Variants in RALYL observed in about 807,000 individuals in gnomAD.
RALYL encodes the protein RALY RNA binding protein like, also known as RNA-binding Raly-like protein.
Under a neutral mutation model 35.1 loss-of-function variants are expected in RALYL, and 29 were observed. The observed-to-expected ratio is 0.83, with a 90% CI of 0.61 to 1.13. The LOEUF is 1.13. Among genes scored for constraint, RALYL ranks in the 50% most tolerant of loss-of-function variants. The probability of loss-of-function intolerance (pLI) is 0.00; values close to 1 mark genes in which losing one functional copy is unlikely to be tolerated. For missense variants in RALYL, 359 were observed against 360.4 expected, an observed-to-expected ratio of 1.00 and a Z score of 0.03; for synonymous variants, 120 against 127.6, an observed-to-expected ratio of 0.94 and a Z score of 0.40.
chr8:84,847,932 C>A (rs1835002864), intron 4 of RALYL, among the ~76,000 whole-genome samples: 1 of 152,164 alleles, frequency 6.6e-6, no homozygotes, highest in Non-Finnish European at 1.5e-5. Flanking sequence ...GGATTTTTCA[C>A]CCTCTATGTA....
At chr8:84,621,515 G>A (rs1383880688) in intron 2 of RALYL, among the ~76,000 whole-genome samples, 1 of 152,170 alleles carries the variant, frequency 6.6e-6, no homozygotes, top group Non-Finnish European at 1.5e-5. Flanking sequence ...CTAGTGAGAT[G>A]AACCCGGTAC....
At chr8:84,766,262 A>G (rs779783492) in intron 2 of RALYL, among the ~76,000 whole-genome samples, 1 of 152,200 alleles carries the variant, frequency 6.6e-6, no homozygotes, top group Non-Finnish European at 1.5e-5. Context: ...ATTCATGTAT[A>G]TGTAAGAACA....
At chr8:84,477,739 A>C (rs2053589776) in intron 1 of RALYL, among the ~76,000 whole-genome samples, 2 of 151,578 alleles carry the variant, frequency 1.3e-5, no homozygotes, top group South Asian at 4.1e-4. Flanking sequence ...AGTAATTTTT[A>C]CCATTTTATC....
chr8:84,751,837 C>T (rs1810114654), intron 2 of RALYL, among the ~76,000 whole-genome samples: 1 of 152,030 alleles, frequency 6.6e-6, no homozygotes, highest in Non-Finnish European at 1.5e-5. Flanking sequence ...GCCTGTGGAA[C>T]CATGAGCCAA....
chr8:84,247,777 A>C (rs922059107), intron 1 of RALYL, among the ~76,000 whole-genome samples: 1 of 152,172 alleles, frequency 6.6e-6, no homozygotes, highest in Non-Finnish European at 1.5e-5. Context: ...ATCTGCTCAC[A>C]GTTCTGCTAC....
chr8:84,267,694 C>A (rs750660662), intron 1 of RALYL, among the ~76,000 whole-genome samples: 2 of 152,028 alleles, frequency 1.3e-5, no homozygotes, highest in Non-Finnish European at 2.9e-5. Flanking sequence ...AGAACTACAG[C>A]CAAAAAAACA....
intron 1 of RALYL, among the ~76,000 whole-genome samples, chr8:84,429,857 T>A (rs1046411114): frequency 6.6e-6 from 1 of 152,080 alleles, no homozygotes; most frequent in Non-Finnish European, 1.5e-5. Flanking sequence ...CAACAATACC[T>A]ATCCACTATC....
At chr8:84,243,758 T>C (rs1398866642) in intron 1 of RALYL, among the ~76,000 whole-genome samples, 5 of 152,134 alleles carry the variant, frequency 3.3e-5, no homozygotes, top group Non-Finnish European at 7.3e-5. Flanking sequence ...ATTTTCTTTT[T>C]CAAGAGAATA....
chr8:84,866,918 T>G (rs1348089809), intron 6 of RALYL, among the ~76,000 whole-genome samples: 1 of 152,128 alleles, frequency 6.6e-6, no homozygotes, highest in Non-Finnish European at 1.5e-5. Flanking sequence ...CTGCTCAAAA[T>G]GATATTTTAG....
chr8:84,551,710 T>C (rs2060730867), intron 2 of RALYL, among the ~76,000 whole-genome samples: 1 of 152,046 alleles, frequency 6.6e-6, no homozygotes, highest in Non-Finnish European at 1.5e-5. Context: ...AGAAAGATAG[T>C]GGGAATACAC....
chr8:84,698,460 G>T lies in RALYL; in HGVS notation c.257-76119G>T, dbSNP rs1839567462. On this transcript the variant is annotated intron_variant, in intron 2 of 8. Coordinates refer to ENST00000521268, the MANE Select transcript of RALYL (RefSeq NM_173848.7). ...ACATATATTCTTTGAAGCAGAATAT[G>T]CAAGATATCATACAGTGGAGTGCAG... Among the ~76,000 whole-genome samples, 4 of 151,994 alleles carry T rather than the reference G, an allele frequency of 2.6e-5. No individual in the cohort carries two copies. The South Asian group carries it at 8.3e-4, about 31-fold the overall frequency.
chr8:84,490,715 T>A (rs1020683787), intron 1 of RALYL, among the ~76,000 whole-genome samples: 7 of 150,302 alleles, frequency 4.7e-5, no homozygotes, highest in Non-Finnish European at 1.0e-4. Context: ...ATATATATAT[T>A]TTTATTATTA....
At chr8:84,690,618 A>G (rs372664874) in intron 2 of RALYL, among the ~76,000 whole-genome samples, 10 of 152,244 alleles carry the variant, frequency 6.6e-5, no homozygotes, top group South Asian at 6.2e-4. Context: ...AATATATACA[A>G]TTTTTATCTG....
chr8:84,913,040 G>GTAGATAGA (rs1554650721), intron 8 of RALYL, among the ~76,000 whole-genome samples: 2,633 of 129,798 alleles, frequency 0.02, 33 homozygotes, highest in African/African-American at 0.032. Flanking sequence ...GGATAGGTAG[G>GTAGATAGA]TAGATAGATA....
intron 3 of RALYL, among the ~76,000 whole-genome samples, chr8:84,787,577 G>C (rs1459234083): frequency 1.3e-5 from 2 of 152,188 alleles, no homozygotes; most frequent in Non-Finnish European, 2.9e-5. Flanking sequence ...TCTGGTTCTA[G>C]ATCCTTGAGG....
intron 1 of RALYL, among the ~76,000 whole-genome samples, chr8:84,305,856 C>A (rs1484028114): frequency 1.3e-5 from 2 of 152,092 alleles, no homozygotes; most frequent in African/African-American, 4.8e-5. Flanking sequence ...TGAAGGAAGG[C>A]ACTGTGATTT....
At chr8:84,682,083 A>G (rs1280827114) in intron 2 of RALYL, among the ~76,000 whole-genome samples, 1 of 152,156 alleles carries the variant, frequency 6.6e-6, no homozygotes, top group African/African-American at 2.4e-5. Flanking sequence ...CCTTTTCTGC[A>G]TCTATTGAGA....
At chr8:84,588,968 C>A in intron 2 of RALYL, among the ~76,000 whole-genome samples, 1 of 151,920 alleles carries the variant, frequency 6.6e-6, no homozygotes, top group East Asian at 1.9e-4. Flanking sequence ...CATGATCTGG[C>A]CTCACTGCAA....
At position 84,614,908 on chromosome 8, in the gene RALYL, C is replaced by T. The variant is rs1013773339; in HGVS notation, c.256+85331C>T. The stretch of plus-strand genomic sequence containing the variant: ...TATCCAGGAGGATATGGTACAGGCA[C>T]TGTACATGGCATTTTACGACCTCAA... On this transcript the variant is annotated intron_variant, in intron 2 of 8. Transcript: ENST00000521268. 6.6e-5 allele frequency among the ~76,000 whole-genome samples: 10 copies of T among 151,138 alleles called. 1 individual carries two copies. Among genetic ancestry groups the T allele is most frequent in the African/African-American group, 2.5e-4 (10 of 40,724 alleles).
Sources: gnomAD v4.1 joint callset for allele counts (sites outside exome capture counted in the v4.1 genomes callset) on GRCh38, gnomAD v4.1.1 for gene constraint, MANE v1.5 for transcripts, NCBI Gene and HGNC (gene_info 2026-07-23, HGNC 2026-07-21) for gene names.